GPM6B: variants seen among roughly 807,000 people sequenced by gnomAD.
GPM6B encodes the protein glycoprotein M6B.
Under a neutral mutation model 27.2 loss-of-function variants are expected in GPM6B, and 4 were observed. The ratio of observed to expected loss-of-function variants is 0.15; its 90% CI spans 0.07 to 0.34. GPM6B has a LOEUF of 0.34. Among genes scored for constraint, GPM6B ranks in the 10% least tolerant of loss-of-function variants. The pLI is 1.00. For synonymous variants in GPM6B, 124 were observed against 103.1 expected, an observed-to-expected ratio of 1.20 and a Z score of -1.23; for missense variants, 183 against 261.9, an observed-to-expected ratio of 0.70 and a Z score of 2.08.
At chrX:13,924,075 T>C (rs1244471442) in intron 1 of GPM6B, among the ~76,000 whole-genome samples, 1 of 111,628 alleles carries the variant, frequency 9.0e-6, no homozygotes, top group Non-Finnish European at 1.9e-5. Flanking sequence ...CTATCCTCAA[T>C]GAAGGCAGAG....
chrX:13,928,133 C>T (rs1921301481), intron 1 of GPM6B, among the ~76,000 whole-genome samples: 1 of 112,090 alleles, frequency 8.9e-6, no homozygotes, highest in Middle Eastern at 4.2e-3. Flanking sequence ...TGTATTATTC[C>T]ATTTATATAA....
intron 5 of GPM6B, among the ~76,000 whole-genome samples, chrX:13,778,229 A>G (rs1372863597): frequency 9.1e-6 from 1 of 109,935 alleles, no homozygotes; most frequent in East Asian, 2.8e-4. Context: ...TTGTATTTTT[A>G]GTAGAGACGG....
intron 1 of GPM6B, among the ~76,000 whole-genome samples, chrX:13,886,719 T>TAAA (rs5901522): frequency 0.011 from 395 of 35,091 alleles, 40 homozygotes; most frequent in African/African-American, 0.071. Flanking sequence ...AAGTCACTAC[T>TAAA]AAAAAAAAAA....
intron 1 of GPM6B, among the ~76,000 whole-genome samples, chrX:13,916,593 T>C (rs895125980): frequency 1.8e-5 from 2 of 110,423 alleles, no homozygotes; most frequent in Admixed American, 1.9e-4. Context: ...GCCAAGCTAT[T>C]GGATGGAAAC....
Position 13,810,311 on chromosome X carries a change from G to C in GPM6B, c.62-2542C>G, listed in dbSNP as rs138997010. Among the ~76,000 whole-genome samples, 433 of 111,964 alleles carry C rather than the reference G, an allele frequency of 3.9e-3. 3 individuals carry two copies. The South Asian group carries it at 0.042, about 11-fold the overall frequency. On this transcript the variant is annotated intron_variant, in intron 1 of 7. Coordinates refer to ENST00000316715, the MANE Select transcript of GPM6B (RefSeq NM_001001995.3). ...ATTTCCTCTTGGTAAAGGGGGCTAT[G>C]AGCCCTCCACATAGACCCCTAAGCA...
intron 4 of GPM6B, among the ~76,000 whole-genome samples, chrX:13,782,712 C>T (rs913684390): frequency 5.1e-5 from 5 of 98,124 alleles, no homozygotes; most frequent in Admixed American, 2.3e-4. Context: ...GTGGAGATCG[C>T]GACACTGCCC....
chrX:13,776,705 G>A (rs1406065747), intron 6 of GPM6B, among the ~76,000 whole-genome samples: 2 of 112,109 alleles, frequency 1.8e-5, no homozygotes, highest in African/African-American at 6.5e-5. Context: ...AGCTTGCCAG[G>A]ATTTTCTTAA....
intron 1 of GPM6B, among the ~76,000 whole-genome samples, chrX:13,937,512 T>C (rs907324154): frequency 2.7e-5 from 3 of 111,780 alleles, no homozygotes; most frequent in African/African-American, 9.8e-5. Flanking sequence ...TCGTTAGGAA[T>C]GCTCTTCACA....
intron 1 of GPM6B, among the ~76,000 whole-genome samples, chrX:13,867,638 T>C (rs2049933358): frequency 9.0e-6 from 1 of 111,409 alleles, no homozygotes; most frequent in Admixed American, 9.6e-5. Flanking sequence ...AGTCTGCAGG[T>C]AACATGAAGC....
At chrX:13,822,980 A>C (rs1478786927) in intron 1 of GPM6B, among the ~76,000 whole-genome samples, 2 of 111,826 alleles carry the variant, frequency 1.8e-5, no homozygotes, top group Non-Finnish European at 3.8e-5. Context: ...GAATTTCCCA[A>C]AGCTTTATCA....
In GPM6B at chrX:13,780,002, A is replaced by G. The variant is rs1326706391; in HGVS notation, c.526-13T>C. 8.6e-7 allele frequency: 1 copy of G among 1,162,051 alleles called. No individual in the cohort carries two copies. Among genetic ancestry groups the G allele is most frequent in the Non-Finnish European group, 1.2e-6 (1 of 861,054 alleles). On this transcript the variant is annotated splice_polypyrimidine_tract_variant and intron_variant, in intron 4 of 7. Transcript: ENST00000316715. ...TGAGGAAAACGAACTAGGCCAAAACAAGAGGAAGGACAATCATCACTGAAA... is the reference window on the plus strand; with the variant it reads ...TGAGGAAAACGAACTAGGCCAAAACGAGAGGAAGGACAATCATCACTGAAA...
chrX:13,902,321 G>A (rs776121416), intron 1 of GPM6B, among the ~76,000 whole-genome samples: 1 of 109,794 alleles, frequency 9.1e-6, no homozygotes, highest in Admixed American at 9.6e-5. Flanking sequence ...CCATAAATGT[G>A]GACTGGATTT....
At chrX:13,919,152 G>T (rs1364367820) in intron 1 of GPM6B, among the ~76,000 whole-genome samples, 1 of 111,806 alleles carries the variant, frequency 8.9e-6, no homozygotes, top group African/African-American at 3.2e-5. Context: ...GTAAGAAGAA[G>T]AGAGTTTCCT....
At chrX:13,842,823 T>C (rs752850395) in intron 1 of GPM6B, among the ~76,000 whole-genome samples, 2 of 112,258 alleles carry the variant, frequency 1.8e-5, no homozygotes, top group South Asian at 7.4e-4. Flanking sequence ...GATTAAAATA[T>C]GAGTCAATGG....
intron 1 of GPM6B, among the ~76,000 whole-genome samples, chrX:13,828,491 A>T (rs1467640658): frequency 2.7e-5 from 3 of 110,415 alleles, no homozygotes; most frequent in Non-Finnish European, 3.8e-5. Flanking sequence ...GTAAGAAATA[A>T]TTTTTTTTTC....
At chrX:13,776,451 A>G (rs900517575) in intron 6 of GPM6B, 148 bp from the exon 7 acceptor site, 3 of 444,432 alleles carry the variant, frequency 6.8e-6, no homozygotes, top group East Asian at 3.7e-5. Flanking sequence ...CTCTGGCCTC[A>G]TGGTGGAATC....
chrX:13,889,196 G>A lies in GPM6B; in HGVS notation c.-198+49131C>T, dbSNP rs1035807499. On this transcript the variant is annotated intron_variant, in intron 1 of 6. Coordinates refer to the GPM6B transcript ENST00000398361. ...ATTCTAATCTAAGCCAATTCCCAGA[G>A]AATAACATCATAAAATAGTACTTAG... 2.7e-5 allele frequency: 3 copies of A among 111,605 alleles called. No homozygotes were observed. The East Asian group carries it at 8.4e-4, about 31-fold the overall frequency. 9.2% of individuals were successfully genotyped at this position (111,605 alleles called of 1,213,427 possible). A position where few individuals can be genotyped will look rare whatever the true frequency, so the allele number is the denominator to read the frequency against.
At chrX:13,864,636 C>G (rs983341785) in intron 1 of GPM6B, among the ~76,000 whole-genome samples, 4 of 112,507 alleles carry the variant, frequency 3.6e-5, no homozygotes, top group Non-Finnish European at 5.6e-5. Context: ...TATACTCACT[C>G]ATCGGTGAGC....
chrX:13,846,485 TTTTA>T (rs2049647599), intron 1 of GPM6B, among the ~76,000 whole-genome samples: 1 of 111,159 alleles, frequency 9.0e-6, no homozygotes, highest in African/African-American at 3.3e-5. Context: ...CCATCTTTTT[TTTTA>T]TTTTTTATTT....
Sources: allele counts gnomAD v4.1 joint callset (sites outside exome capture counted in the v4.1 genomes callset), GRCh38; gene constraint gnomAD v4.1.1; transcripts MANE v1.5; gene names NCBI Gene and HGNC (gene_info 2026-07-23, HGNC 2026-07-21).